NELL2: variants seen among roughly 807,000 people sequenced by gnomAD.
NELL2 encodes the protein neural EGFL like 2.
In NELL2, 41 loss-of-function variants were observed where a neutral mutation model predicts 109.6. The observed-to-expected ratio is 0.37, with a 90% CI of 0.29 to 0.49. The LOEUF (loss-of-function observed/expected upper bound fraction) is 0.49, where lower values mean the gene tolerates loss of function less well. NELL2 is among the 20% of genes least tolerant of loss of function. The probability of loss-of-function intolerance (pLI) is 0.98; values close to 1 mark genes in which losing one functional copy is unlikely to be tolerated. For missense variants in NELL2, 900 were observed against 1,008.3 expected, an observed-to-expected ratio of 0.89 and a Z score of 1.45; for synonymous variants, 355 against 344.7, an observed-to-expected ratio of 1.03 and a Z score of -0.33.
intron 9 of NELL2, among the ~76,000 whole-genome samples, chr12:44,747,013 A>G (rs1223800103): frequency 1.3e-5 from 2 of 152,160 alleles, no homozygotes; most frequent in Non-Finnish European, 1.5e-5. Flanking sequence ...TGTTTATAGC[A>G]GCACTATTCA....
chr12:44,568,738 T>C (rs1482476460), intron 15 of NELL2, among the ~76,000 whole-genome samples: 1 of 152,000 alleles, frequency 6.6e-6, no homozygotes. Context: ...TACATACATA[T>C]TTTATATATA....
At chr12:44,516,451 A>G (rs1941260578) in intron 19 of NELL2, among the ~76,000 whole-genome samples, 1 of 152,190 alleles carries the variant, frequency 6.6e-6, no homozygotes, top group Non-Finnish European at 1.5e-5. Flanking sequence ...CACAAAAATA[A>G]TAATTCCAGT....
At chr12:44,571,395 T>C (rs1175055134) in intron 15 of NELL2, among the ~76,000 whole-genome samples, 1 of 152,210 alleles carries the variant, frequency 6.6e-6, no homozygotes, top group African/African-American at 2.4e-5. Context: ...CTCTCAGGTC[T>C]GCAATGACTG....
chr12:44,716,335 C>T (rs1901144), intron 9 of NELL2, among the ~76,000 whole-genome samples: 13,383 of 152,146 alleles, frequency 0.088, 1,926 homozygotes, highest in African/African-American at 0.3. Flanking sequence ...TCCTAGCCAA[C>T]TGATTTTGAA....
At chr12:44,752,077 C>T (rs1195456789) in intron 9 of NELL2, among the ~76,000 whole-genome samples, 1 of 152,184 alleles carries the variant, frequency 6.6e-6, no homozygotes, top group Non-Finnish European at 1.5e-5. Flanking sequence ...GTTGGACAAG[C>T]TTGAGCTGAG....
chr12:44,663,015 T>C (rs189494412), intron 13 of NELL2, among the ~76,000 whole-genome samples: 62 of 152,150 alleles, frequency 4.1e-4, no homozygotes, highest in Non-Finnish European at 1.5e-5. Context: ...AAAATAAATC[T>C]CAATATTTTA....
intron 3 of NELL2, among the ~76,000 whole-genome samples, chr12:44,796,621 A>G (rs751269070): frequency 6.6e-6 from 1 of 152,148 alleles, no homozygotes; most frequent in Non-Finnish European, 1.5e-5. Context: ...TTAAGTGAAA[A>G]TTAGGTTTAG....
At chr12:44,752,878 G>A (rs138987166) in intron 9 of NELL2, among the ~76,000 whole-genome samples, 381 of 151,628 alleles carry the variant, frequency 2.5e-3, no homozygotes, top group African/African-American at 8.8e-3. Flanking sequence ...CACTGCCTAG[G>A]CCTAAGTCCT....
intron 9 of NELL2, among the ~76,000 whole-genome samples, chr12:44,736,930 G>A (rs1473314023): frequency 1.3e-5 from 2 of 151,652 alleles, no homozygotes; most frequent in Admixed American, 6.6e-5. Context: ...TTTTATAAAT[G>A]TATGCATTTA....
At chr12:44,780,706 G>A (rs1228791922) in intron 3 of NELL2, among the ~76,000 whole-genome samples, 1 of 152,000 alleles carries the variant, frequency 6.6e-6, no homozygotes, top group East Asian at 1.9e-4. Flanking sequence ...AGCCTACTAA[G>A]GAGTCAGGAG....
At chr12:44,748,042 T>A (rs1373712652) in intron 9 of NELL2, among the ~76,000 whole-genome samples, 1 of 152,164 alleles carries the variant, frequency 6.6e-6, no homozygotes, top group Non-Finnish European at 1.5e-5. Flanking sequence ...CTCACTTGTA[T>A]CATCTGTAAA....
intron 12 of NELL2, among the ~76,000 whole-genome samples, chr12:44,687,279 G>C (rs899436900): frequency 6.6e-6 from 1 of 152,258 alleles, no homozygotes; most frequent in East Asian, 1.9e-4. Flanking sequence ...CATGGTGCGC[G>C]CACCCACTGA....
rs1941686048 is a variant in NELL2, at chr12:44,774,793, C to A, written c.948G>T (p.Lys316Asn). 1 of 1,614,060 alleles carries A rather than the reference C, an allele frequency of 6.2e-7. No homozygotes were observed. Among genetic ancestry groups the A allele is most frequent in the Non-Finnish European group, 8.5e-7 (1 of 1,180,040 alleles). ...TGCCATCCACATACGCAAGAGCCGA[C>A]TTAAGTGGGCAGTCAGGATTTGGGC... is the stretch of plus-strand genomic sequence containing the variant. ...LICPNPDCPL[K>N]SALAYVDGKC... The change falls in exon 9 of 20, where the codon AAG becomes AAT. Residue 316 changes from lysine (K) to asparagine (N), a missense_variant. Lys to Asn is a moderately conservative substitution (Grantham distance 94). This residue lies in a region of NELL2 where 292 missense variants were observed against 265.3 expected (regional missense o/e 1.10). Coordinates refer to ENST00000429094, the MANE Select transcript of NELL2 (RefSeq NM_001145108.2).
intron 1 of NELL2, among the ~76,000 whole-genome samples, chr12:44,921,124 C>G (rs887827093): frequency 1.3e-5 from 2 of 152,164 alleles, no homozygotes; most frequent in African/African-American, 4.8e-5. Context: ...AGCACCCAAA[C>G]TGACATTTGT....
chr12:44,826,850 G>A (rs1943725830), intron 2 of NELL2, among the ~76,000 whole-genome samples: 1 of 152,144 alleles, frequency 6.6e-6, no homozygotes, highest in Non-Finnish European at 1.5e-5. Flanking sequence ...ACACTACAGT[G>A]ATGCACACTC....
intron 2 of NELL2, among the ~76,000 whole-genome samples, chr12:44,865,528 T>C (rs1406017662): frequency 2.8e-5 from 3 of 107,382 alleles, no homozygotes; most frequent in Non-Finnish European, 5.8e-5. Context: ...ATGGATGAAA[T>C]TGGAAACCAT....
At chr12:44,553,633 T>C (rs185468029) in intron 15 of NELL2, among the ~76,000 whole-genome samples, 4 of 152,318 alleles carry the variant, frequency 2.6e-5, no homozygotes, top group Non-Finnish European at 4.4e-5. Flanking sequence ...GGGATGGATA[T>C]TCCAATTACC....
chr12:44,879,450 A>T (rs1945386406), upstream of NELL2, among the ~76,000 whole-genome samples: 1 of 150,760 alleles, frequency 6.6e-6, no homozygotes, highest in Non-Finnish European at 1.5e-5. Context: ...TACCATATAC[A>T]CATATCAAAG....
At chr12:44,670,460 C>T (rs529843620) in intron 12 of NELL2, among the ~76,000 whole-genome samples, 3 of 151,558 alleles carry the variant, frequency 2.0e-5, no homozygotes, top group Non-Finnish European at 2.9e-5. Context: ...GACAGAAATC[C>T]CCACCTATTA....
Sources: gnomAD v4.1 joint callset for allele counts (sites outside exome capture counted in the v4.1 genomes callset) on GRCh38, gnomAD v4.1.1 for gene constraint, gnomAD v4.1.1 regional missense constraint, MANE v1.5 for transcripts, NCBI Gene and HGNC (gene_info 2026-07-23, HGNC 2026-07-21) for gene names.